TAFA1: variants seen among roughly 807,000 people sequenced by gnomAD.
TAFA1 encodes the protein TAFA chemokine like family member 1, also known as chemokine-like protein TAFA-1.
Under a neutral mutation model 18.5 loss-of-function variants are expected in TAFA1, and 4 were observed. The observed-to-expected ratio is 0.22, with a 90% CI of 0.11 to 0.49. TAFA1 has a LOEUF of 0.49. TAFA1 is among the 20% of genes least tolerant of loss of function. The pLI is 0.98. For missense variants in TAFA1, 147 were observed against 169.0 expected (o/e 0.87, Z 0.72); for synonymous variants, 56 against 55.2 (o/e 1.01, Z -0.06).
At chr3:68,438,168 G>A (rs1317624182) in intron 3 of TAFA1, among the ~76,000 whole-genome samples, 1 of 152,016 alleles carries the variant, frequency 6.6e-6, no homozygotes, top group Non-Finnish European at 1.5e-5. Flanking sequence ...AGACCAGCCT[G>A]AGCAACAGAC....
intron 2 of TAFA1, among the ~76,000 whole-genome samples, chr3:68,380,528 G>A (rs1343769865): frequency 4.6e-5 from 7 of 152,146 alleles, no homozygotes; most frequent in Non-Finnish European, 1.0e-4. Flanking sequence ...GTGATGATGA[G>A]CATTTTTTCA....
rs188704980 is a variant in TAFA1, at chr3:68,184,803, C to T, written c.118+178059C>T. Among the ~76,000 whole-genome samples, 75 of 152,198 alleles carry T rather than the reference C, an allele frequency of 4.9e-4. 1 individual carries two copies. The highest frequency in any genetic ancestry group is 7.1e-4 in the Non-Finnish European group (48 of 68,000). On this transcript the variant is annotated intron_variant, in intron 2 of 4. Coordinates refer to ENST00000478136, the MANE Select transcript of TAFA1 (RefSeq NM_213609.4). ...TAGATTTAATATTTTTCATAGTGGC[C>T]TGTGGACCACCATTTTACTTGTTAA... is the stretch of plus-strand genomic sequence containing the variant.
chr3:68,364,992 C>T (rs542328228), intron 2 of TAFA1, among the ~76,000 whole-genome samples: 7 of 152,228 alleles, frequency 4.6e-5, no homozygotes, highest in South Asian at 4.1e-4. Flanking sequence ...AGGTGATAAT[C>T]GGCTTGTCTG....
At chr3:68,303,640 G>A (rs973950867) in intron 2 of TAFA1, among the ~76,000 whole-genome samples, 5 of 151,946 alleles carry the variant, frequency 3.3e-5, no homozygotes, top group Admixed American at 1.3e-4. Context: ...TAGTAGAGAC[G>A]GGGTTTCACT....
chr3:68,393,687 G>A (rs769953800), intron 2 of TAFA1, among the ~76,000 whole-genome samples: 7 of 152,030 alleles, frequency 4.6e-5, no homozygotes, highest in Non-Finnish European at 8.8e-5. Flanking sequence ...GCTTCATCCC[G>A]AGGATGCAAA....
intron 3 of TAFA1, among the ~76,000 whole-genome samples, chr3:68,526,963 G>A (rs1273811526): frequency 6.6e-6 from 1 of 151,784 alleles, no homozygotes; most frequent in Non-Finnish European, 1.5e-5. Flanking sequence ...TAAACTTTAG[G>A]GTCACTCTTA....
At chr3:68,109,883 C>T (rs9309966) in intron 2 of TAFA1, among the ~76,000 whole-genome samples, 135,451 of 152,222 alleles carry the variant, frequency 0.89, 60,618 homozygotes, top group South Asian at 0.95. Flanking sequence ...TCAAGTTCAA[C>T]TGGAAGCTGT....
intron 2 of TAFA1, among the ~76,000 whole-genome samples, chr3:68,133,513 T>C (rs1166435823): frequency 2.0e-5 from 3 of 152,184 alleles, no homozygotes; most frequent in African/African-American, 7.2e-5. Context: ...GGAATGTTTT[T>C]CCATTTGTTT....
intron 2 of TAFA1, among the ~76,000 whole-genome samples, chr3:68,052,527 G>T (rs2064483763): frequency 6.6e-6 from 1 of 152,146 alleles, no homozygotes; most frequent in South Asian, 2.1e-4. Flanking sequence ...AACTCTGATT[G>T]GGAGCTCTTG....
chr3:68,030,854 C>T (rs1704919815), intron 2 of TAFA1, among the ~76,000 whole-genome samples: 1 of 152,114 alleles, frequency 6.6e-6, no homozygotes, highest in African/African-American at 2.4e-5. Flanking sequence ...AGAAAAGATG[C>T]TGTTGGTTTG....
chr3:68,287,907 T>TGGGGGGG (rs35069967), intron 2 of TAFA1, among the ~76,000 whole-genome samples: 1 of 51,990 alleles, frequency 1.9e-5, no homozygotes, highest in Non-Finnish European at 4.5e-5. Context: ...TTGTTTTTGT[T>TGGGGGGG]GGGGGGTGGG....
chr3:68,501,204 T>C (rs2072653127), intron 3 of TAFA1, among the ~76,000 whole-genome samples: 1 of 150,520 alleles, frequency 6.6e-6, no homozygotes, highest in African/African-American at 2.4e-5. Flanking sequence ...GCCAAAAATC[T>C]GTAAATATCT....
At chr3:68,276,532 G>T (rs1463550302) in intron 2 of TAFA1, among the ~76,000 whole-genome samples, 1 of 152,110 alleles carries the variant, frequency 6.6e-6, no homozygotes, top group South Asian at 2.1e-4. Flanking sequence ...TTTACCAAGA[G>T]GTATGATAAA....
At chr3:68,296,355 C>T (rs2068207735) in intron 2 of TAFA1, among the ~76,000 whole-genome samples, 1 of 152,130 alleles carries the variant, frequency 6.6e-6, no homozygotes, top group Admixed American at 6.5e-5. Flanking sequence ...TTGAATTGTT[C>T]CCAAGAGCCC....
chr3:68,311,196 G>A (rs2068509622), intron 2 of TAFA1, among the ~76,000 whole-genome samples: 1 of 152,086 alleles, frequency 6.6e-6, no homozygotes, highest in Non-Finnish European at 1.5e-5. Flanking sequence ...ATTCAATCGT[G>A]TCCCACTGGG....
At chr3:68,196,845 C>G (rs2066416832) in intron 2 of TAFA1, among the ~76,000 whole-genome samples, 1 of 151,756 alleles carries the variant, frequency 6.6e-6, no homozygotes, top group Non-Finnish European at 1.5e-5. Flanking sequence ...TTACCAACAA[C>G]TGAACTAATC....
chr3:68,407,305 T>G (rs1271491115), intron 2 of TAFA1, among the ~76,000 whole-genome samples: 1 of 152,120 alleles, frequency 6.6e-6, no homozygotes, highest in African/African-American at 2.4e-5. Context: ...TTAATTCTTA[T>G]ACCTGATAAG....
intron 3 of TAFA1, among the ~76,000 whole-genome samples, chr3:68,498,348 A>C (rs548597456): frequency 6.6e-6 from 1 of 152,300 alleles, no homozygotes; most frequent in Non-Finnish European, 1.5e-5. Context: ...TGCAAAGATG[A>C]ATTAGTCAAT....
At chr3:68,072,242 T>C (rs2064764273) in intron 2 of TAFA1, among the ~76,000 whole-genome samples, 1 of 152,180 alleles carries the variant, frequency 6.6e-6, no homozygotes, top group Non-Finnish European at 1.5e-5. Flanking sequence ...GCAGGTGGCC[T>C]CTGCGGCAGA....
Sources: allele counts gnomAD v4.1 joint callset (sites outside exome capture counted in the v4.1 genomes callset), GRCh38; gene constraint gnomAD v4.1.1; transcripts MANE v1.5; gene names NCBI Gene and HGNC (gene_info 2026-07-23, HGNC 2026-07-21).